The following CCDC178 variants were observed in gnomAD, a reference collection of about 807,000 sequenced individuals.
The protein encoded by CCDC178 is coiled-coil domain containing 178.
A neutral mutation model predicts 117.4 loss-of-function variants in CCDC178; 126 were observed. The ratio of observed to expected loss-of-function variants is 1.07; its 90% confidence interval spans 0.93 to 1.24. The LOEUF (loss-of-function observed/expected upper bound fraction) is 1.24, where lower values mean the gene tolerates loss of function less well. CCDC178 is among the 50% of genes most tolerant of loss of function. The pLI, the probability that CCDC178 is intolerant of heterozygous loss-of-function variation, is 0.00. For synonymous variants in CCDC178, 283 were observed against 313.4 expected, an observed-to-expected ratio of 0.90 and a Z score of 1.02; for missense variants, 1,030 against 986.9, an observed-to-expected ratio of 1.04 and a Z score of -0.59.
intron 20 of CCDC178, among the ~76,000 whole-genome samples, chr18:33,118,094 T>C (rs535681043): frequency 2.7e-4 from 41 of 152,160 alleles, no homozygotes; most frequent in African/African-American, 8.7e-4. Context: ...ATTCACTCCA[T>C]AGTAAATGAA....
intron 11 of CCDC178, among the ~76,000 whole-genome samples, chr18:33,300,089 G>C (rs2062157512): frequency 6.6e-6 from 1 of 152,176 alleles, no homozygotes; most frequent in Admixed American, 6.5e-5. Flanking sequence ...AGGATAGTGA[G>C]TGAGTTCTCA....
In CCDC178 at chr18:33,067,395, G is replaced by A. The variant is rs563925197; in HGVS notation, c.2388+25366C>T. Among the ~76,000 whole-genome samples, 14 of 152,020 alleles carry A rather than the reference G, an allele frequency of 9.2e-5. No individual in the cohort carries two copies. In the East Asian group the frequency reaches 9.7e-4, roughly 10 times the overall value. On this transcript the variant is annotated intron_variant, in intron 21 of 22. Coordinates refer to ENST00000383096, the MANE Select transcript of CCDC178 (RefSeq NM_001105528.4). ...GTTTAAACCAATAAATGTCTATATC[G>A]AAAAAGTAGAAAGATTTCAAATAAA...
At chr18:33,359,113 G>T (rs968476384) in intron 6 of CCDC178, among the ~76,000 whole-genome samples, 6 of 151,794 alleles carry the variant, frequency 4.0e-5, no homozygotes, top group African/African-American at 1.4e-4. Flanking sequence ...TATCACAAGA[G>T]AGTCAGGGGA....
intron 20 of CCDC178, among the ~76,000 whole-genome samples, chr18:33,114,439 G>A (rs1366051599): frequency 6.6e-6 from 1 of 151,904 alleles, no homozygotes; most frequent in African/African-American, 2.4e-5. Flanking sequence ...CACTGCAATG[G>A]GGATTGGACT....
intron 21 of CCDC178, among the ~76,000 whole-genome samples, chr18:32,987,130 G>C (rs1040996170): frequency 6.6e-6 from 1 of 151,736 alleles, no homozygotes; most frequent in South Asian, 2.1e-4. Context: ...AAAACAAAGA[G>C]ATACTAGAAA....
chr18:33,232,176 C>G (rs1051514088), intron 15 of CCDC178, among the ~76,000 whole-genome samples: 1 of 152,124 alleles, frequency 6.6e-6, no homozygotes, highest in Non-Finnish European at 1.5e-5. Context: ...CAACAGTCAC[C>G]TTTGACCTGC....
chr18:33,027,552 T>C (rs2056253987), intron 21 of CCDC178, among the ~76,000 whole-genome samples: 1 of 151,698 alleles, frequency 6.6e-6, no homozygotes, highest in Admixed American at 6.6e-5. Context: ...ATATATATCA[T>C]AAAGCATCAA....
intron 9 of CCDC178, among the ~76,000 whole-genome samples, chr18:33,341,595 C>G (rs942428618): frequency 6.6e-6 from 1 of 152,100 alleles, no homozygotes; most frequent in African/African-American, 2.4e-5. Flanking sequence ...TCACATGGTC[C>G]AGTCTTTCTC....
intron 11 of CCDC178, among the ~76,000 whole-genome samples, chr18:33,304,538 T>C (rs1272462267): frequency 6.6e-6 from 1 of 152,242 alleles, no homozygotes; most frequent in Non-Finnish European, 1.5e-5. Context: ...CAACTGAGTA[T>C]AGTGCACATT....
chr18:33,415,350 A>C (rs561714178), intron 2 of CCDC178, among the ~76,000 whole-genome samples: 1 of 152,230 alleles, frequency 6.6e-6, no homozygotes, highest in Non-Finnish European at 1.5e-5. Flanking sequence ...GCACATATAC[A>C]CTATGGAATA....
chr18:33,134,193 T>G (rs909196311), intron 20 of CCDC178, among the ~76,000 whole-genome samples: 2 of 152,012 alleles, frequency 1.3e-5, no homozygotes, highest in Admixed American at 6.6e-5. Flanking sequence ...CTTATAAATC[T>G]ATTATTACTT....
chr18:33,198,295 T>C (rs1479711387), intron 20 of CCDC178, among the ~76,000 whole-genome samples: 1 of 152,128 alleles, frequency 6.6e-6, no homozygotes, highest in Non-Finnish European at 1.5e-5. Context: ...TATCTCCCTA[T>C]CTCTACCTCT....
intron 20 of CCDC178, among the ~76,000 whole-genome samples, chr18:33,168,770 C>T (rs2058563600): frequency 6.6e-6 from 1 of 152,134 alleles, no homozygotes; most frequent in African/African-American, 2.4e-5. Flanking sequence ...TTATTATTTA[C>T]AAATAACTAC....
chr18:33,368,507 A>G lies in CCDC178; in HGVS notation c.348+1543T>C, dbSNP rs1221396625. On this transcript the variant is annotated intron_variant, in intron 6 of 22. Coordinates refer to ENST00000383096, the MANE Select transcript of CCDC178 (RefSeq NM_001105528.4). ...TTTTTTCAGTTTTTTTAAAGATAAG[A>G]TATAAAATATCTTGGCTCATTTTGT... is the stretch of plus-strand genomic sequence containing the variant. Among the ~76,000 whole-genome samples the G allele has an allele frequency of 2.6e-5, 4 of 151,918 alleles. No individual in the cohort carries two copies. The South Asian group carries it at 6.2e-4, about 24-fold the overall frequency.
intron 3 of CCDC178, among the ~76,000 whole-genome samples, chr18:33,402,951 A>AT (rs1462781082): frequency 3.3e-5 from 5 of 152,172 alleles, no homozygotes; most frequent in Admixed American, 6.5e-5. Flanking sequence ...AGACTTGTAG[A>AT]TTTTTTTAAA....
At chr18:33,295,817 T>C (rs1180092557) in intron 11 of CCDC178, among the ~76,000 whole-genome samples, 2 of 152,288 alleles carry the variant, frequency 1.3e-5, no homozygotes, top group East Asian at 1.9e-4. Context: ...GGATCTCTCA[T>C]ACATTGCTGG....
rs538124323 is a variant in CCDC178, at chr18:33,047,951, A to C, written c.2388+44810T>G. On this transcript the variant is annotated intron_variant, in intron 21 of 22. Transcript: ENST00000383096. ...TATAGATTGCCTGGATAAGCAGTTT[A>C]ATTCTGTCCCCTCAAAAAGATATGT... Among the ~76,000 whole-genome samples the C allele has an allele frequency of 5.3e-5, 8 of 152,330 alleles. No individual in the cohort carries two copies. The South Asian group carries it at 1.7e-3, about 32-fold the overall frequency.
chr18:33,397,264 T>C, intron 3 of CCDC178, 56 bp from the exon 4 acceptor site: 1 of 1,133,572 alleles, frequency 8.8e-7, no homozygotes, highest in Non-Finnish European at 1.3e-6. Context: ...TCAAATATTC[T>C]GCCCTATATT....
chr18:33,342,359 T>C (rs1207689158), intron 9 of CCDC178, among the ~76,000 whole-genome samples: 1 of 152,180 alleles, frequency 6.6e-6, no homozygotes, highest in East Asian at 1.9e-4. Flanking sequence ...CAAGACATGA[T>C]ATATATAATA....
Sources: gnomAD v4.1 joint callset for allele counts (sites outside exome capture counted in the v4.1 genomes callset) on GRCh38, gnomAD v4.1.1 for gene constraint, MANE v1.5 for transcripts, NCBI Gene and HGNC (gene_info 2026-07-23, HGNC 2026-07-21) for gene names.